The following PAX2 variants were observed in gnomAD, a reference collection of about 807,000 sequenced individuals.
The protein encoded by PAX2 is paired box 2, also known as paired box protein Pax-2.
A neutral mutation model predicts 41.7 loss-of-function variants in PAX2; 9 were observed. The observed-to-expected ratio is 0.22, with a 90% CI of 0.13 to 0.38. The LOEUF (loss-of-function observed/expected upper bound fraction) is 0.38. PAX2 is among the 10% of genes least tolerant of loss of function. PAX2 has a pLI of 1.00. For synonymous variants in PAX2, 221 were observed against 212.7 expected (o/e 1.04, Z -0.34); for missense variants, 418 against 531.6 (o/e 0.79, Z 2.10).
At chr10:100,761,001 C>T (rs901349060) in intron 3 of PAX2, among the ~76,000 whole-genome samples, 14 of 152,092 alleles carry the variant, frequency 9.2e-5, no homozygotes, top group Admixed American at 8.5e-4. Flanking sequence ...GACTCGGGTT[C>T]CTACCCATTT....
Position 100,748,358 on chromosome 10 carries a change from C to T in PAX2, c.44-1388C>T, listed in dbSNP as rs1564705027. 4 of 984,148 alleles carry T rather than the reference C, an allele frequency of 4.1e-6. No individual in the cohort carries two copies. Among genetic ancestry groups the T allele is most frequent in the Middle Eastern group, 5.2e-4 (1 of 1,936 alleles). 61.0% of individuals were successfully genotyped at this position (984,148 alleles called of 1,614,324 possible). On this transcript the variant is annotated intron_variant, in intron 1 of 9. Coordinates refer to ENST00000355243, the MANE Select transcript of PAX2 (RefSeq NM_000278.5). The surrounding 1 kb of genome is among the most constrained non-coding windows in gnomAD (Gnocchi z 5.0). ...GTGGGCAAGGGGGTAAAAGAAGGGGCTTCAGTCTCTCCCAGCAACGCGATC... is the reference window on the plus strand; with the variant it reads ...GTGGGCAAGGGGGTAAAAGAAGGGGTTTCAGTCTCTCCCAGCAACGCGATC...
At chr10:100,762,293 G>A (rs1268059002) in intron 3 of PAX2, among the ~76,000 whole-genome samples, 2 of 152,084 alleles carry the variant, frequency 1.3e-5, no homozygotes, top group East Asian at 3.9e-4. Context: ...TGTCCACACC[G>A]GGGTTTCACT....
At chr10:100,764,205 A>G (rs1845939953) in intron 3 of PAX2, among the ~76,000 whole-genome samples, 1 of 134,352 alleles carries the variant, frequency 7.4e-6, no homozygotes, top group Non-Finnish European at 1.5e-5. Context: ...GTGCAGTGGC[A>G]CCATCTCGGC....
At position 100,827,533 on chromosome 10, in the gene PAX2, T is replaced by C; in HGVS notation, c.1109-10T>C. Reference sequence around the variant, plus strand: ...CACCCAGCCCATTCTTCTCCTGTGTTAACTTCCAGGTTCCCCTTATTATTA... The same window carrying C: ...CACCCAGCCCATTCTTCTCCTGTGTCAACTTCCAGGTTCCCCTTATTATTA... On this transcript the variant is annotated splice_polypyrimidine_tract_variant and intron_variant, in intron 9 of 9. Transcript: ENST00000355243. This position sits in a 1 kb window ranked among gnomAD's most constrained non-coding sequence, Gnocchi z 8.5. The C allele has an allele frequency of 3.1e-6, 5 of 1,613,338 alleles. No homozygotes were observed. The highest frequency in any genetic ancestry group is 4.2e-6 in the Non-Finnish European group (5 of 1,179,276).
At position 100,824,353 on chromosome 10, in the gene PAX2, TACACAC is replaced by T. The variant is rs61572589; in HGVS notation, c.920-257_920-252del. ...GCACAGAGACACAGGCAAAGGCAGA[TACACAC>T]ACACACACACACACACACACACACA... On this transcript the variant is annotated intron_variant, in intron 7 of 9. Coordinates refer to ENST00000355243, the MANE Select transcript of PAX2 (RefSeq NM_000278.5). The surrounding 1 kb of genome is among the most constrained non-coding windows in gnomAD (Gnocchi z 6.6). Among the ~76,000 whole-genome samples, 9,826 of 135,532 alleles carry T rather than the reference TACACAC, an allele frequency of 0.072. 449 individuals carry two copies. Among genetic ancestry groups the T allele is most frequent in the African/African-American group, 0.13 (4,603 of 36,726 alleles). 88.9% of individuals were successfully genotyped at this position (135,532 alleles called of 152,430 possible). A position where few individuals can be genotyped will look rare whatever the true frequency, so the allele number is the denominator to read the frequency against.
At chr10:100,777,133 A>G (rs564509866) in intron 3 of PAX2, among the ~76,000 whole-genome samples, 9 of 119,498 alleles carry the variant, frequency 7.5e-5, no homozygotes, top group Admixed American at 6.6e-4. Flanking sequence ...ACGGAGTCTT[A>G]CTCTGTCGCC....
upstream of PAX2, among the ~76,000 whole-genome samples, chr10:100,742,766 G>T (rs1845006487): frequency 6.6e-6 from 1 of 150,808 alleles, no homozygotes; most frequent in South Asian, 2.1e-4. Flanking sequence ...ACCCTGACAG[G>T]TCGGAGCCCG....
At chr10:100,815,024 G>A (rs541457638) in intron 7 of PAX2, among the ~76,000 whole-genome samples, 9 of 152,300 alleles carry the variant, frequency 5.9e-5, no homozygotes, top group Admixed American at 4.6e-4. Flanking sequence ...TCAGAAGCTC[G>A]GCCTCCTGGC....
chr10:100,822,195 G>GA (rs1236474147), intron 7 of PAX2, among the ~76,000 whole-genome samples: 1 of 152,114 alleles, frequency 6.6e-6, no homozygotes, highest in Non-Finnish European at 1.5e-5. Flanking sequence ...TTTAGGAAAT[G>GA]AAAGATATTG....
chr10:100,742,047 C>T (rs747290404), upstream of PAX2, among the ~76,000 whole-genome samples: 1 of 152,230 alleles, frequency 6.6e-6, no homozygotes, highest in Non-Finnish European at 1.5e-5. Context: ...GCTCAGCCGC[C>T]TTCCCAAGCT....
intron 1 of PAX2, chr10:100,747,306 A>G (rs1297060734): frequency 6.6e-6 from 1 of 152,334 alleles, no homozygotes; most frequent in East Asian, 1.9e-4. Flanking sequence ...AGGAGAAAGG[A>G]AAAGAGAAAT....
intron 1 of PAX2, among the ~76,000 whole-genome samples, chr10:100,736,670 T>A (rs541721448): frequency 5.3e-5 from 8 of 151,878 alleles, no homozygotes; most frequent in African/African-American, 1.9e-4. Flanking sequence ...TTGATCTAGC[T>A]TCTCGACCCA....
At chr10:100,738,460 TAC>T (rs1478841567) in intron 1 of PAX2, among the ~76,000 whole-genome samples, 1 of 152,170 alleles carries the variant, frequency 6.6e-6, no homozygotes, top group African/African-American at 2.4e-5. Context: ...TGTCTGCCTA[TAC>T]TACCTTCGCC....
chr10:100,741,060 T>C (rs1047587048), upstream of PAX2, among the ~76,000 whole-genome samples: 2 of 152,176 alleles, frequency 1.3e-5, no homozygotes, highest in African/African-American at 2.4e-5. Context: ...TCAAAGGGCC[T>C]GTGAAGGGCT....
chr10:100,746,224 G>A lies in PAX2; in HGVS notation c.-37G>A. The A allele has an allele frequency of 1.2e-6, 2 of 1,613,046 alleles. No individual in the cohort carries two copies. Among genetic ancestry groups the A allele is most frequent in the Non-Finnish European group, 1.7e-6 (2 of 1,179,668 alleles). The stretch of plus-strand genomic sequence containing the variant: ...AGTTGAGTTTGAGAGGCGACACGGC[G>A]GCGGCGGCCGCGCTGCTCCCGCTCC... On this transcript the variant is annotated 5_prime_UTR_variant, in exon 1 of 10. Coordinates refer to ENST00000355243, the MANE Select transcript of PAX2 (RefSeq NM_000278.5).
chr10:100,750,908 G>A lies in PAX2; in HGVS notation c.410+17G>A. ...CATCAACAGGTGAGCAAGCCACCCG[G>A]GTTTTCAGGGCTGGACTCCAGCTCC... On this transcript the variant is annotated intron_variant, in intron 3 of 9. Coordinates refer to ENST00000355243, the MANE Select transcript of PAX2 (RefSeq NM_000278.5). The surrounding 1 kb of genome is among the most constrained non-coding windows in gnomAD (Gnocchi z 4.1). 1.2e-6 allele frequency: 2 copies of A among 1,604,974 alleles called. No homozygotes were observed. The highest frequency in any genetic ancestry group is 1.1e-5 in the South Asian group (1 of 90,932).
Position 100,826,894 on chromosome 10 carries a change from C to T in PAX2, c.1022-115C>T. ...CCCGCCACGGCCATTACCCTGCCCG[C>T]GACACCTGCGCCTGAGACCCGGCGG... On this transcript the variant is annotated intron_variant, in intron 8 of 9. Transcript: ENST00000355243. This position sits in a 1 kb window ranked among gnomAD's most constrained non-coding sequence, Gnocchi z 5.5. 1.3e-6 allele frequency: 1 copy of T among 751,858 alleles called. No homozygotes were observed. The highest frequency in any genetic ancestry group is 2.4e-6 in the Non-Finnish European group (1 of 423,464). The allele number at this position is 751,858 out of a possible 1,614,324, so 46.6% of individuals were successfully genotyped here.
chr10:100,818,195 T>C (rs1204554173), intron 7 of PAX2, among the ~76,000 whole-genome samples: 1 of 152,200 alleles, frequency 6.6e-6, no homozygotes, highest in Non-Finnish European at 1.5e-5. Context: ...AAAGTGCTCA[T>C]TTTCAGAGAA....
intron 5 of PAX2, among the ~76,000 whole-genome samples, chr10:100,787,342 A>G (rs2133910987): frequency 6.6e-6 from 1 of 152,308 alleles, no homozygotes; most frequent in Non-Finnish European, 1.5e-5. Flanking sequence ...GAAGCACCTG[A>G]CAGCCCTAAT....
Sources: gnomAD v4.1 joint callset for allele counts (sites outside exome capture counted in the v4.1 genomes callset) on GRCh38, gnomAD v4.1.1 for gene constraint, Gnocchi (gnomAD v3.1) non-coding constraint, MANE v1.5 for transcripts, NCBI Gene and HGNC (gene_info 2026-07-23, HGNC 2026-07-21) for gene names.